DPYD: variants seen among roughly 807,000 people sequenced by gnomAD.
The protein encoded by DPYD is dihydropyrimidine dehydrogenase [NADP(+)].
In DPYD, 109 loss-of-function variants were observed where a neutral mutation model predicts 116.2. The ratio of observed to expected loss-of-function variants is 0.94; its 90% CI spans 0.80 to 1.10. The LOEUF (loss-of-function observed/expected upper bound fraction) is 1.10. Among genes scored for constraint, DPYD ranks in the 50% least tolerant of loss-of-function variants. The probability of loss-of-function intolerance (pLI) is 0.00; values close to 1 mark genes in which losing one functional copy is unlikely to be tolerated. For synonymous variants in DPYD, 440 were observed against 432.0 expected (o/e 1.02, Z -0.23); for missense variants, 1,302 against 1,254.5 (o/e 1.04, Z -0.57).
chr1:97,082,610 G>C (rs1444501123), intron 21 of DPYD, 140 bp from the exon 22 acceptor site: 1 of 1,004,652 alleles, frequency 1.0e-6, no homozygotes, highest in African/African-American at 1.6e-5. Context: ...AATTCTCATA[G>C]ATAAGCTTTT....
rs55769112 is a variant in DPYD, at chr1:97,373,253, G to T, written c.2058+308C>A. ...GGGAAACTGGATCGGCATCAGGAAT[G>T]AATAAAGAACACTGCATTTGAAATC... On this transcript the variant is annotated intron_variant, in intron 16 of 22. Transcript: ENST00000370192. 7.9e-5 allele frequency among the ~76,000 whole-genome samples: 12 copies of T among 152,308 alleles called. No individual in the cohort carries two copies. In the East Asian group the frequency reaches 2.3e-3, roughly 29 times the overall value.
intron 20 of DPYD, among the ~76,000 whole-genome samples, chr1:97,164,239 A>C (rs1192612899): frequency 1.3e-5 from 2 of 152,212 alleles, no homozygotes; most frequent in Non-Finnish European, 2.9e-5. Context: ...CTTTATGTTT[A>C]AAACTCTCAA....
intron 20 of DPYD, among the ~76,000 whole-genome samples, chr1:97,176,870 G>GTGTGTA (rs1657302620): frequency 1.8e-5 from 2 of 108,130 alleles, no homozygotes; most frequent in East Asian, 3.8e-4. Context: ...ACAAAAAAAT[G>GTGTGTA]TGTGTGTGTG....
intron 13 of DPYD, among the ~76,000 whole-genome samples, chr1:97,487,749 A>T (rs1678729699): frequency 6.6e-6 from 1 of 152,224 alleles, no homozygotes; most frequent in East Asian, 1.9e-4. Context: ...AATAATTTTT[A>T]AAAATAGTGA....
chr1:97,322,259 T>C (rs545612657), intron 16 of DPYD, among the ~76,000 whole-genome samples: 1 of 143,140 alleles, frequency 7.0e-6, no homozygotes, highest in South Asian at 2.4e-4. Flanking sequence ...AATAAATAAA[T>C]AAAAGGAATT....
intron 16 of DPYD, among the ~76,000 whole-genome samples, chr1:97,340,972 T>G (rs1669559853): frequency 6.6e-6 from 1 of 152,174 alleles, no homozygotes; most frequent in African/African-American, 2.4e-5. Context: ...TTAATAAATC[T>G]AAATCTAAAC....
chr1:97,079,120 G>T lies in DPYD; in HGVS notation c.2934C>A (p.His978Gln), dbSNP rs201268750. 6.2e-7 allele frequency: 1 copy of T among 1,613,634 alleles called. No individual in the cohort carries two copies. Among genetic ancestry groups the T allele is most frequent in the African/African-American group, 1.3e-5 (1 of 74,988 alleles). ...TACAAGTGTCGGTTATGGTGGGCAG[G>T]TGGGTTTCTGGATCAAACTGTATAG... Reference protein sequence around the residue: ...YQAIQFDPETHLPTITDTCTG... With the variant: ...YQAIQFDPETQLPTITDTCTG... The change falls in exon 23 of 23, where the codon CAC becomes CAA. Residue 978 changes from histidine (H) to glutamine (Q), a missense_variant. Transcript: ENST00000370192.
chr1:97,114,738 T>C (rs1033858818), intron 20 of DPYD, among the ~76,000 whole-genome samples: 1 of 152,102 alleles, frequency 6.6e-6, no homozygotes, highest in African/African-American at 2.4e-5. Context: ...AAAGCAGATT[T>C]TCCCTGAATG....
At chr1:97,800,021 C>A (rs1257212111) in intron 3 of DPYD, among the ~76,000 whole-genome samples, 2 of 151,850 alleles carry the variant, frequency 1.3e-5, no homozygotes, top group Non-Finnish European at 2.9e-5. Flanking sequence ...AGCGAAGGCA[C>A]AAGAACTAGA....
intron 8 of DPYD, among the ~76,000 whole-genome samples, chr1:97,627,856 A>G (rs1215255795): frequency 6.6e-6 from 1 of 151,674 alleles, no homozygotes; most frequent in Non-Finnish European, 1.5e-5. Context: ...TACATATACA[A>G]AAAATAACAT....
chr1:97,401,121 G>A (rs1338188566), intron 14 of DPYD, among the ~76,000 whole-genome samples: 2 of 152,048 alleles, frequency 1.3e-5, no homozygotes, highest in Non-Finnish European at 2.9e-5. Flanking sequence ...CTTTGATGAG[G>A]TGTCCGTTAA....
intron 13 of DPYD, among the ~76,000 whole-genome samples, chr1:97,465,978 G>A (rs369398697): frequency 6.6e-6 from 1 of 152,268 alleles, no homozygotes; most frequent in South Asian, 2.1e-4. Flanking sequence ...ATACATGCCT[G>A]CAGTCCCAGC....
chr1:97,331,881 G>T (rs1251282829), intron 16 of DPYD, among the ~76,000 whole-genome samples: 3 of 152,126 alleles, frequency 2.0e-5, no homozygotes, highest in Non-Finnish European at 2.9e-5. Context: ...TTCAGGTCAG[G>T]ATGAAAAATT....
At chr1:97,435,846 G>C (rs905860759) in intron 14 of DPYD, among the ~76,000 whole-genome samples, 3 of 151,592 alleles carry the variant, frequency 2.0e-5, no homozygotes, top group African/African-American at 7.3e-5. Flanking sequence ...TGGCAAAAAA[G>C]GAAGCTGGGG....
chr1:97,174,337 A>C (rs1657099010), intron 20 of DPYD, among the ~76,000 whole-genome samples: 3 of 152,144 alleles, frequency 2.0e-5, no homozygotes, highest in Admixed American at 2.0e-4. Context: ...CATCTTTAAG[A>C]AGCAGCTTCT....
chr1:97,130,332 A>G (rs72965851), intron 20 of DPYD, among the ~76,000 whole-genome samples: 1 of 152,296 alleles, frequency 6.6e-6, no homozygotes, highest in African/African-American at 2.4e-5. Context: ...TCTAGAACAA[A>G]GTATCTTCTT....
chr1:97,157,574 T>C lies in DPYD; in HGVS notation c.2622+35495A>G, dbSNP rs1655563567. Among the ~76,000 whole-genome samples the C allele has an allele frequency of 2.6e-5, 4 of 152,252 alleles. No individual in the cohort carries two copies. The South Asian group carries it at 8.3e-4, about 32-fold the overall frequency. On this transcript the variant is annotated intron_variant, in intron 20 of 22. Transcript: ENST00000370192. ...TCCAAGACAACAAAGTCCTTCTCATTTCCATGGTGACTGAATGGGGAAGCA... is the reference window on the plus strand; with the variant it reads ...TCCAAGACAACAAAGTCCTTCTCATCTCCATGGTGACTGAATGGGGAAGCA...
intron 8 of DPYD, among the ~76,000 whole-genome samples, chr1:97,654,492 G>A (rs1439498440): frequency 6.6e-6 from 1 of 151,932 alleles, no homozygotes; most frequent in African/African-American, 2.4e-5. Context: ...AAAGTTCAGG[G>A]AGTTATAATA....
chr1:97,675,466 A>G (rs535676156), intron 8 of DPYD, among the ~76,000 whole-genome samples: 2 of 152,296 alleles, frequency 1.3e-5, no homozygotes, highest in East Asian at 1.9e-4. Context: ...AGAAGTAACA[A>G]TGATGTACAT....
Sources: gnomAD v4.1 joint callset for allele counts (sites outside exome capture counted in the v4.1 genomes callset) on GRCh38, gnomAD v4.1.1 for gene constraint, MANE v1.5 for transcripts, NCBI Gene and HGNC (gene_info 2026-07-23, HGNC 2026-07-21) for gene names.